FRAS1: variants seen among roughly 807,000 people sequenced by gnomAD.
The protein encoded by FRAS1 is extracellular matrix organizing protein FRAS1.
Under a neutral mutation model 435.2 loss-of-function variants are expected in FRAS1, and 290 were observed. The ratio of observed to expected loss-of-function variants is 0.67; its 90% CI spans 0.61 to 0.73. The LOEUF is 0.73. FRAS1 is among the 30% of genes least tolerant of loss of function. The pLI, the probability that FRAS1 is intolerant of heterozygous loss-of-function variation, is 0.00. For synonymous variants in FRAS1, 1,800 were observed against 1,851.0 expected (o/e 0.97, Z 0.71); for missense variants, 4,860 against 5,001.5 (o/e 0.97, Z 0.85).
chr4:78,210,802 C>T (rs918375576), intron 2 of FRAS1, among the ~76,000 whole-genome samples: 3 of 152,184 alleles, frequency 2.0e-5, no homozygotes, highest in African/African-American at 7.2e-5. Flanking sequence ...TGTTGGAGCT[C>T]CTGGCAGAAA....
rs117986608 is a variant in FRAS1, at chr4:78,269,920, G to C, written c.981+2488G>C. On this transcript the variant is annotated intron_variant, in intron 9 of 73. Coordinates refer to ENST00000512123, the MANE Select transcript of FRAS1 (RefSeq NM_025074.7). ...ATGTGAGCTGCCATTCCCTGCTCCA[G>C]TGGAGGCAGTTTCCCTCAAAAGAGT... is the stretch of plus-strand genomic sequence containing the variant. Among the ~76,000 whole-genome samples the C allele has an allele frequency of 3.2e-4, 49 of 152,318 alleles. No homozygotes were observed. The East Asian group carries it at 3.7e-3, about 11-fold the overall frequency.
At chr4:78,328,293 A>G (rs1729797682) in intron 18 of FRAS1, among the ~76,000 whole-genome samples, 1 of 152,224 alleles carries the variant, frequency 6.6e-6, no homozygotes, top group Non-Finnish European at 1.5e-5. Context: ...TTTTAATTCC[A>G]CAGTGATACA....
chr4:78,408,083 C>A (rs951449930), intron 31 of FRAS1, among the ~76,000 whole-genome samples: 3 of 151,984 alleles, frequency 2.0e-5, no homozygotes, highest in Non-Finnish European at 2.9e-5. Context: ...CAGTGGAAAG[C>A]GAAAGACATG....
intron 58 of FRAS1, among the ~76,000 whole-genome samples, chr4:78,486,501 A>G (rs1720172677): frequency 6.6e-6 from 1 of 152,220 alleles, no homozygotes; most frequent in Admixed American, 6.5e-5. Context: ...CCTCCATTTC[A>G]TATTGATGCA....
At chr4:78,513,193 G>C (rs1376896469) in intron 64 of FRAS1, among the ~76,000 whole-genome samples, 199 bp from the exon 65 acceptor site, 1 of 152,018 alleles carries the variant, frequency 6.6e-6, no homozygotes, top group Non-Finnish European at 1.5e-5. Flanking sequence ...CTGTCTGGAG[G>C]GTCTCTTAGA....
At chr4:78,278,347 A>G (rs1207940868) in intron 9 of FRAS1, among the ~76,000 whole-genome samples, 2 of 152,230 alleles carry the variant, frequency 1.3e-5, no homozygotes, top group East Asian at 1.9e-4. Flanking sequence ...TAACTTTCCT[A>G]GACTATAACA....
At chr4:78,518,887 G>C (rs1394232668) in intron 66 of FRAS1, among the ~76,000 whole-genome samples, 1 of 152,156 alleles carries the variant, frequency 6.6e-6, no homozygotes, top group Non-Finnish European at 1.5e-5. Context: ...CTGGATGTGG[G>C]CATCTTCCTG....
chr4:78,252,288 C>T (rs1214880938), intron 4 of FRAS1, 104 bp from the exon 5 acceptor site: 2 of 1,150,182 alleles, frequency 1.7e-6, no homozygotes, highest in Non-Finnish European at 2.5e-6. Context: ...TTTCCCTGAG[C>T]TCCATCCTTA....
rs190938307 is a variant in FRAS1, at chr4:78,278,555, G to A, written c.982-100G>A. 2.0e-4 allele frequency: 141 copies of A among 702,496 alleles called. 1 individual carries two copies. Among genetic ancestry groups the A allele is most frequent in the South Asian group, 5.2e-4 (33 of 63,104 alleles). 43.5% of individuals were successfully genotyped at this position (702,496 alleles called of 1,614,324 possible). On this transcript the variant is annotated intron_variant, in intron 9 of 73. Transcript: ENST00000512123. Reference sequence around the variant, plus strand: ...GGGCCAGAGCCAACAGTGTGCCAGCGTTTCTTATTCCAGTCAGGGAACCCA... The same window carrying A: ...GGGCCAGAGCCAACAGTGTGCCAGCATTTCTTATTCCAGTCAGGGAACCCA...
chr4:78,447,501 T>G (rs1449695917), intron 43 of FRAS1, among the ~76,000 whole-genome samples: 1 of 151,912 alleles, frequency 6.6e-6, no homozygotes, highest in Admixed American at 6.6e-5. Context: ...AAAAAACTGT[T>G]GGGCATTGTA....
At chr4:78,389,988 C>T (rs35050841) in intron 29 of FRAS1, among the ~76,000 whole-genome samples, 21,234 of 152,072 alleles carry the variant, frequency 0.14, 1,870 homozygotes, top group African/African-American at 0.25. Context: ...CCCTTTTCAT[C>T]CCTCTCTCCT....
chr4:78,145,383 C>T (rs375053609), intron 2 of FRAS1, among the ~76,000 whole-genome samples: 5 of 152,166 alleles, frequency 3.3e-5, no homozygotes, highest in African/African-American at 9.6e-5. Flanking sequence ...AAGCCAAGAG[C>T]GGTGGAAGCA....
At position 78,372,737 on chromosome 4, in the gene FRAS1, T is replaced by A; in HGVS notation, c.2889T>A (p.Ser963Arg). The stretch of plus-strand genomic sequence containing the variant: ...TTTTAGAGTGTGATTGGAGCTGCAG[T>A]GCATGCAGTGGGCCCCTGAAAACAG... The part of the protein sequence containing the change: ...NTCKECDWSC[S>R]ACSGPLKTDC... Residue 963 changes from serine (S) to arginine (R), a missense_variant, in exon 24 of 74, where the codon AGT becomes AGA. Ser to Arg is a moderately radical substitution (Grantham distance 110, BLOSUM62 -1). Transcript: ENST00000512123. 6.2e-7 allele frequency: 1 copy of A among 1,612,772 alleles called. No individual in the cohort carries two copies. Among genetic ancestry groups the A allele is most frequent in the Non-Finnish European group, 8.5e-7 (1 of 1,179,774 alleles).
chr4:78,140,621 G>A (rs924299051), intron 2 of FRAS1, among the ~76,000 whole-genome samples: 29 of 149,476 alleles, frequency 1.9e-4, no homozygotes, highest in African/African-American at 7.4e-4. Flanking sequence ...GTATATATAT[G>A]TGTATACGCA....
intron 2 of FRAS1, among the ~76,000 whole-genome samples, chr4:78,217,309 G>A (rs1723811757): frequency 6.6e-6 from 1 of 152,144 alleles, no homozygotes; most frequent in African/African-American, 2.4e-5. Context: ...CACCCAAAAA[G>A]AATACTTTCC....
chr4:78,124,137 A>T (rs147315975), intron 2 of FRAS1, among the ~76,000 whole-genome samples: 1 of 152,324 alleles, frequency 6.6e-6, no homozygotes, highest in African/African-American at 2.4e-5. Context: ...TATTATGTTG[A>T]GATACATTCC....
At chr4:78,112,174 G>T (rs1178048044) in intron 2 of FRAS1, among the ~76,000 whole-genome samples, 1 of 151,954 alleles carries the variant, frequency 6.6e-6, no homozygotes. Context: ...ATGTCTAATT[G>T]CATGTGGTTA....
intron 20 of FRAS1, among the ~76,000 whole-genome samples, chr4:78,347,019 A>T (rs968890096): frequency 6.6e-6 from 1 of 152,092 alleles, no homozygotes; most frequent in African/African-American, 2.4e-5. Flanking sequence ...AGTGCATGTG[A>T]TAATCCCCTC....
chr4:78,317,290 C>T, intron 16 of FRAS1, 78 bp from the exon 17 acceptor site: 1 of 1,532,930 alleles, frequency 6.5e-7, no homozygotes, highest in Non-Finnish European at 9.0e-7. Flanking sequence ...GAGTCCCAGG[C>T]CCGTGAAGCC....
Sources: gnomAD v4.1 joint callset for allele counts (sites outside exome capture counted in the v4.1 genomes callset) on GRCh38, gnomAD v4.1.1 for gene constraint, MANE v1.5 for transcripts, NCBI Gene and HGNC (gene_info 2026-07-23, HGNC 2026-07-21) for gene names.